The following ZNF276 variants were observed in gnomAD, a reference collection of about 807,000 sequenced individuals.
ZNF276 encodes the protein centromere protein Z.
In ZNF276, 59 loss-of-function variants were observed where a neutral mutation model predicts 63.9. The observed-to-expected ratio is 0.92, with a 90% CI of 0.75 to 1.15. The LOEUF (loss-of-function observed/expected upper bound fraction) is 1.15, where lower values mean the gene tolerates loss of function less well. Among genes scored for constraint, ZNF276 ranks in the 50% most tolerant of loss-of-function variants. ZNF276 has a pLI of 0.00. For synonymous variants in ZNF276, 496 were observed against 348.4 expected, an observed-to-expected ratio of 1.42 and a Z score of -4.72; for missense variants, 1,084 against 843.8, an observed-to-expected ratio of 1.28 and a Z score of -3.53.
At chr16:89,734,857 G>A (rs2061799257) in intron 9 of ZNF276, among the ~76,000 whole-genome samples, 1 of 152,166 alleles carries the variant, frequency 6.6e-6, no homozygotes, top group South Asian at 2.1e-4. Flanking sequence ...ACAAGGATAT[G>A]TTTTCAAAAT....
In ZNF276 at chr16:89,739,308, T is replaced by A; in HGVS notation, c.*1062T>A. On this transcript the variant is annotated 3_prime_UTR_variant, in exon 11 of 11. Coordinates refer to ENST00000443381, the MANE Select transcript of ZNF276 (RefSeq NM_001113525.2). ...GAGAAGACTAGAGGTAAAGACATAG[T>A]GACAAATGGCTACAGACTGCTGGAA... 6.2e-7 allele frequency: 1 copy of A among 1,614,008 alleles called. No homozygotes were observed. Among genetic ancestry groups the A allele is most frequent in the Non-Finnish European group, 8.5e-7 (1 of 1,179,986 alleles).
upstream of ZNF276, chr16:89,721,017 C>CA: frequency 1.4e-6 from 1 of 690,706 alleles, no homozygotes; most frequent in Non-Finnish European, 2.0e-6. Flanking sequence ...TCCGCGCGTA[C>CA]TGCGGGCCCC....
chr16:89,735,947 A>G (rs1446491551), intron 9 of ZNF276, among the ~76,000 whole-genome samples: 1 of 149,444 alleles, frequency 6.7e-6, no homozygotes, highest in African/African-American at 2.5e-5. Flanking sequence ...GCTGGGGTGC[A>G]GTGGCACAAT....
intron 9 of ZNF276, among the ~76,000 whole-genome samples, chr16:89,734,797 C>T (rs916233321): frequency 6.6e-5 from 10 of 152,104 alleles, no homozygotes; most frequent in African/African-American, 2.2e-4. Flanking sequence ...TCTCTGTGCC[C>T]GTCTTATTTT....
intron 4 of ZNF276, among the ~76,000 whole-genome samples, chr16:89,725,454 T>G (rs942154706): frequency 6.7e-6 from 1 of 149,160 alleles, no homozygotes; most frequent in Non-Finnish European, 1.5e-5. Context: ...ATGCTGGGAT[T>G]ACAGGTGTGA....
At chr16:89,723,040 G>T (rs1446824399) in intron 2 of ZNF276, 97 bp from the exon 3 acceptor site, 11 of 1,608,000 alleles carry the variant, frequency 6.8e-6, no homozygotes, top group Non-Finnish European at 9.3e-6. Flanking sequence ...TGCCTATGGG[G>T]ACCGCTGAGG....
rs376189323 is a variant in ZNF276 at position 89,739,313 on chromosome 16, A to C, written c.*1067A>C. On this transcript the variant is annotated 3_prime_UTR_variant, in exon 11 of 11. Coordinates refer to ENST00000443381, the MANE Select transcript of ZNF276 (RefSeq NM_001113525.2). The stretch of plus-strand genomic sequence containing the variant: ...GACTAGAGGTAAAGACATAGTGACA[A>C]ATGGCTACAGACTGCTGGAAAGGTA... 14 of 1,613,938 alleles carry C rather than the reference A, an allele frequency of 8.7e-6. No homozygotes were observed. Among genetic ancestry groups the C allele is most frequent in the Non-Finnish European group, 8.5e-7 (1 of 1,179,982 alleles).
rs1240540153 is a variant in ZNF276, at chr16:89,738,283, A to C, written c.*37A>C. On this transcript the variant is annotated 3_prime_UTR_variant, in exon 11 of 11. Coordinates refer to ENST00000443381, the MANE Select transcript of ZNF276 (RefSeq NM_001113525.2). ...AGGATGAGCACCTCTAGCAGCCTGGACTCCGCAGTGGCTGTGTCAGCCTCA... is the reference window on the plus strand; with the variant it reads ...AGGATGAGCACCTCTAGCAGCCTGGCCTCCGCAGTGGCTGTGTCAGCCTCA... 6.4e-7 allele frequency: 1 copy of C among 1,555,352 alleles called. No individual in the cohort carries two copies. Among genetic ancestry groups the C allele is most frequent in the Non-Finnish European group, 8.7e-7 (1 of 1,151,930 alleles).
chr16:89,730,537 G>A lies in ZNF276; in HGVS notation c.1169+1219G>A, dbSNP rs558289784. ...AGCCCCTGCTGCTGTGACAGGGACAGCACACTCAGACTGTGTCACTAGTCC... is the reference window on the plus strand; with the variant it reads ...AGCCCCTGCTGCTGTGACAGGGACAACACACTCAGACTGTGTCACTAGTCC... On this transcript the variant is annotated intron_variant, in intron 6 of 10. Transcript: ENST00000443381. Among the ~76,000 whole-genome samples the A allele has an allele frequency of 1.3e-4, 20 of 152,316 alleles. 1 individual carries two copies. The South Asian group carries it at 3.9e-3, about 30-fold the overall frequency.
In ZNF276 at chr16:89,740,881, G is replaced by C. The variant is rs749085160; in HGVS notation, c.*2635G>C. On this transcript the variant is annotated 3_prime_UTR_variant, in exon 11 of 11. Transcript: ENST00000443381. Reference sequence around the variant, plus strand: ...AAAACCAATAGCTGTAAATAAAAACGTGCACTTATTATTACATTAAAATTA... The same window carrying C: ...AAAACCAATAGCTGTAAATAAAAACCTGCACTTATTATTACATTAAAATTA... 2.7e-5 allele frequency: 43 copies of C among 1,604,374 alleles called. No individual in the cohort carries two copies. Among genetic ancestry groups the C allele is most frequent in the Non-Finnish European group, 3.3e-5 (39 of 1,173,352 alleles).
Position 89,739,259 on chromosome 16 carries a change from G to T in ZNF276, c.*1013G>T, listed in dbSNP as rs2062058480. On this transcript the variant is annotated 3_prime_UTR_variant, in exon 11 of 11. Transcript: ENST00000443381. ...CATGCAGGAAGGCCTCTTCCCTGAT[G>T]GCCGCGTCTTCATGGAAGTAGGAGA... 6.2e-7 allele frequency: 1 copy of T among 1,614,052 alleles called. No homozygotes were observed. The highest frequency in any genetic ancestry group is 8.5e-7 in the Non-Finnish European group (1 of 1,180,058).
rs1263786197 is a variant in ZNF276, at chr16:89,723,186, G to A, written c.556+3G>A. The A allele has an allele frequency of 4.3e-6, 7 of 1,613,106 alleles. No homozygotes were observed. Among genetic ancestry groups the A allele is most frequent in the Non-Finnish European group, 5.9e-6 (7 of 1,180,044 alleles). ...GGCAGAGGAGGGAGCGTGTCTGGGTGAGTCCTCCCCCGGTGGAGGGTGGGC... is the reference window on the plus strand; with the variant it reads ...GGCAGAGGAGGGAGCGTGTCTGGGTAAGTCCTCCCCCGGTGGAGGGTGGGC... On this transcript the variant is annotated splice_donor_region_variant and intron_variant, in intron 3 of 10. Transcript: ENST00000443381.
At position 89,722,703 on chromosome 16, in the gene ZNF276, C is replaced by A. The variant is rs777524592; in HGVS notation, c.378C>A (p.Arg126=). The A allele has an allele frequency of 6.2e-7, 1 of 1,612,282 alleles. No homozygotes were observed. Among genetic ancestry groups the A allele is most frequent in the Admixed American group, 1.7e-5 (1 of 60,010 alleles). Residue 126 remains arginine, a synonymous_variant, in exon 2 of 11, where the codon CGC becomes CGA. Coordinates refer to ENST00000443381, the MANE Select transcript of ZNF276 (RefSeq NM_001113525.2). The part of the protein sequence containing the change: ...DFQRLLGVAV[R]QDPTLSPFVC... Reference sequence around the variant, plus strand: ...AGCGCCTGCTTGGTGTGGCTGTCCGCCAGGACCCCACCTTGTCTCCGTTTG... The same window carrying A: ...AGCGCCTGCTTGGTGTGGCTGTCCGACAGGACCCCACCTTGTCTCCGTTTG...
chr16:89,738,984 A>T lies in ZNF276; in HGVS notation c.*738A>T. 1 of 1,614,208 alleles carries T rather than the reference A, an allele frequency of 6.2e-7. No individual in the cohort carries two copies. Among genetic ancestry groups the T allele is most frequent in the African/African-American group, 1.3e-5 (1 of 75,064 alleles). ...GTTCCACGGGGTTGCCCTAGAGAGA[A>T]AACAGGCAAACTCACAGGTTAGAAG... On this transcript the variant is annotated 3_prime_UTR_variant, in exon 11 of 11. Transcript: ENST00000443381.
chr16:89,733,797 CA>C, intron 8 of ZNF276, 123 bp from the exon 9 acceptor site: 1 of 948,188 alleles, frequency 1.1e-6, no homozygotes, highest in Non-Finnish European at 1.7e-6. Context: ...GTGAAGGAGC[CA>C]GTGGTGTCGC....
chr16:89,722,501 G>T, intron 1 of ZNF276, 30 bp from the exon 2 acceptor site: 1 of 1,581,994 alleles, frequency 6.3e-7, no homozygotes. Context: ...TCCTTTGCCA[G>T]CTGCTAACAC....
Position 89,734,038 on chromosome 16 carries a change from G to C in ZNF276, c.1474G>C (p.Glu492Gln). 6.2e-7 allele frequency: 1 copy of C among 1,613,830 alleles called. No individual in the cohort carries two copies. Among genetic ancestry groups the C allele is most frequent in the South Asian group, 1.1e-5 (1 of 91,082 alleles). Residue 492 changes from glutamate (E) to glutamine (Q), a missense_variant and splice_region_variant, in exon 9 of 11, where the codon GAG becomes CAG. Coordinates refer to ENST00000443381, the MANE Select transcript of ZNF276 (RefSeq NM_001113525.2). ...GCGCCACGTGAAGCTCATCCACACA[G>C]GTACGCCTATCGCCAGTGTCGCCCA... is the stretch of plus-strand genomic sequence containing the variant. ...LQRHVKLIHT[E>Q]VRNYICDECG... is the part of the protein sequence containing the mutation.
chr16:89,735,013 T>C (rs1196960207), intron 9 of ZNF276, among the ~76,000 whole-genome samples: 1 of 151,972 alleles, frequency 6.6e-6, no homozygotes. Flanking sequence ...ACAAAAATTA[T>C]CTGGGTGTGG....
rs577194734 is a variant in ZNF276, at chr16:89,738,974, C to G, written c.*728C>G. On this transcript the variant is annotated 3_prime_UTR_variant, in exon 11 of 11. Coordinates refer to ENST00000443381, the MANE Select transcript of ZNF276 (RefSeq NM_001113525.2). Reference sequence around the variant, plus strand: ...TTTGTTATCAGTTCCACGGGGTTGCCCTAGAGAGAAAACAGGCAAACTCAC... The same window carrying G: ...TTTGTTATCAGTTCCACGGGGTTGCGCTAGAGAGAAAACAGGCAAACTCAC... 3.7e-6 allele frequency: 6 copies of G among 1,614,230 alleles called. No homozygotes were observed. The South Asian group carries it at 6.6e-5, about 18-fold the overall frequency.
Sources: allele counts gnomAD v4.1 joint callset (sites outside exome capture counted in the v4.1 genomes callset), GRCh38; gene constraint gnomAD v4.1.1; transcripts MANE v1.5; gene names NCBI Gene and HGNC (gene_info 2026-07-23, HGNC 2026-07-21).